The following USP34 variants were observed in gnomAD, a reference collection of about 807,000 sequenced individuals.
The protein encoded by USP34 is ubiquitin carboxyl-terminal hydrolase 34.
USP34 carries 70 observed loss-of-function variants against 460.3 expected under a neutral mutation model. The observed-to-expected ratio is 0.15, with a 90% CI of 0.13 to 0.19. The LOEUF is 0.19. Ranked by LOEUF, USP34 falls within the 10% of genes least tolerant of loss-of-function variation. USP34 has a pLI of 1.00. For synonymous variants in USP34, 1,647 were observed against 1,405.3 expected (o/e 1.17, Z -3.85); for missense variants, 3,985 against 4,236.2 (o/e 0.94, Z 1.65).
chr2:61,317,256 T>G (rs567853610), intron 23 of USP34, among the ~76,000 whole-genome samples: 23 of 151,890 alleles, frequency 1.5e-4, no homozygotes, highest in Non-Finnish European at 2.9e-4. Context: ...GCTGAGCACG[T>G]TGGCTCATGC....
At chr2:61,261,798 A>G (rs1309168984) in intron 43 of USP34, among the ~76,000 whole-genome samples, 4 of 152,096 alleles carry the variant, frequency 2.6e-5, no homozygotes, top group Admixed American at 6.5e-5. Context: ...TGCCAGAATC[A>G]TATCAAATTC....
At chr2:61,402,501 G>A (rs12998931) in intron 3 of USP34, among the ~76,000 whole-genome samples, 15,758 of 152,086 alleles carry the variant, frequency 0.1, 1,065 homozygotes, top group Non-Finnish European at 0.15. Context: ...AGTAAGACCC[G>A]GATTCTAGGA....
At chr2:61,288,365 A>G (rs987415629) in intron 34 of USP34, among the ~76,000 whole-genome samples, 1 of 152,166 alleles carries the variant, frequency 6.6e-6, no homozygotes, top group South Asian at 2.1e-4. Flanking sequence ...TCTATTTTAA[A>G]TTTCCTATGT....
intron 10 of USP34, among the ~76,000 whole-genome samples, chr2:61,360,732 T>C (rs1000968224): frequency 4.6e-5 from 7 of 152,170 alleles, no homozygotes; most frequent in Admixed American, 1.3e-4. Flanking sequence ...TCTTGGCTCA[T>C]TGCAGCCTCG....
intron 41 of USP34, among the ~76,000 whole-genome samples, chr2:61,274,629 A>G (rs896709032): frequency 1.1e-4 from 16 of 152,178 alleles, no homozygotes; most frequent in African/African-American, 3.6e-4. Context: ...TTACTAATAA[A>G]AATAATACAA....
At chr2:61,258,423 C>T (rs1487999601) in intron 44 of USP34, among the ~76,000 whole-genome samples, 1 of 152,142 alleles carries the variant, frequency 6.6e-6, no homozygotes, top group Admixed American at 6.6e-5. Flanking sequence ...AAGGCAGAAA[C>T]AACAAAGAGG....
chr2:61,237,554 A>AT (rs71403400), intron 53 of USP34, among the ~76,000 whole-genome samples: 4,026 of 45,148 alleles, frequency 0.089, 920 homozygotes, highest in Non-Finnish European at 0.12. Context: ...TTTTCTGTGG[A>AT]TTTTTTTTTT....
At position 61,206,881 on chromosome 2, in the gene USP34, G is replaced by C; in HGVS notation, c.8925C>G (p.Phe2975Leu). 1.2e-6 allele frequency: 2 copies of C among 1,606,254 alleles called. No individual in the cohort carries two copies. Among genetic ancestry groups the C allele is most frequent in the Non-Finnish European group, 1.7e-6 (2 of 1,178,038 alleles). The change falls in exon 71 of 80, where the codon TTC (phenylalanine) becomes TTG (leucine). Residue 2975 changes from phenylalanine (F) to leucine (L), a missense_variant. Coordinates refer to ENST00000398571, the MANE Select transcript of USP34 (RefSeq NM_014709.4). Reference sequence around the variant, plus strand: ...CGTGATACATCATGTGCAAAGTGTTGAAAGACTACAAATGATTTGAAAAAA... The same window carrying C: ...CGTGATACATCATGTGCAAAGTGTTCAAAGACTACAAATGATTTGAAAAAA... ...NRGLILMTES[F>L]NTLHMMYHEA...
chr2:61,390,868 G>A (rs867646437), intron 5 of USP34, among the ~76,000 whole-genome samples: 1 of 151,900 alleles, frequency 6.6e-6, no homozygotes, highest in African/African-American at 2.4e-5. Flanking sequence ...AGGCTGAGGT[G>A]GGGGCATCGC....
At chr2:61,307,328 G>C (rs867866724) in intron 27 of USP34, among the ~76,000 whole-genome samples, 1 of 128,244 alleles carries the variant, frequency 7.8e-6, no homozygotes, top group East Asian at 2.8e-4. Flanking sequence ...GGTGGGGGGA[G>C]GGGGGAGGGA....
chr2:61,296,953 C>T, intron 29 of USP34, 28 bp from the exon 30 acceptor site: 10 of 1,573,768 alleles, frequency 6.4e-6, no homozygotes, highest in Non-Finnish European at 8.6e-6. Flanking sequence ...ACTACTTTAT[C>T]AAAACAGATC....
chr2:61,313,616 AT>A (rs1352025543), intron 25 of USP34, among the ~76,000 whole-genome samples: 1 of 152,066 alleles, frequency 6.6e-6, no homozygotes, highest in Non-Finnish European at 1.5e-5. Flanking sequence ...TTAAAATTTT[AT>A]TTTTTTAAGT....
At chr2:61,245,406 C>A in intron 50 of USP34, 118 bp from the exon 51 acceptor site, 2 of 513,668 alleles carry the variant, frequency 3.9e-6, no homozygotes, top group Non-Finnish European at 6.5e-6. Context: ...GAGGTAAATT[C>A]TAAGTTCTTA....
chr2:61,430,893 A>C (rs1029808297), intron 1 of USP34, among the ~76,000 whole-genome samples: 2 of 152,124 alleles, frequency 1.3e-5, no homozygotes, highest in Admixed American at 6.6e-5. Context: ...AATCTCAGCT[A>C]CTTGGGAGGC....
chr2:61,360,735 C>G (rs1264937584), intron 10 of USP34, among the ~76,000 whole-genome samples: 1 of 152,180 alleles, frequency 6.6e-6, no homozygotes, highest in African/African-American at 2.4e-5. Context: ...TGGCTCATTG[C>G]AGCCTCGACG....
chr2:61,457,779 T>A (rs1175197015), intron 1 of USP34, among the ~76,000 whole-genome samples: 1 of 152,100 alleles, frequency 6.6e-6, no homozygotes, highest in Non-Finnish European at 1.5e-5. Context: ...GCCCAGGAGG[T>A]CAAGGCTGCA....
At chr2:61,256,590 T>TAA (rs34715544) in intron 47 of USP34, 112 bp from the exon 48 acceptor site, 62 of 696,712 alleles carry the variant, frequency 8.9e-5, no homozygotes, top group African/African-American at 6.9e-4. Flanking sequence ...ATTTTTTTTT[T>TAA]AAAAGTGAAT....
intron 27 of USP34, among the ~76,000 whole-genome samples, chr2:61,301,783 T>C (rs974155521): frequency 1.1e-4 from 17 of 152,220 alleles, no homozygotes; most frequent in African/African-American, 3.9e-4. Flanking sequence ...AGATACTTAT[T>C]TTCTCACCTC....
At chr2:61,229,073 C>G in intron 59 of USP34, 78 bp from the exon 60 acceptor site, 1 of 1,136,256 alleles carries the variant, frequency 8.8e-7, no homozygotes, top group Non-Finnish European at 1.2e-6. Flanking sequence ...ACTTTTTAAA[C>G]TCTGAATTTC....
Sources: gnomAD v4.1 joint callset for allele counts (sites outside exome capture counted in the v4.1 genomes callset) on GRCh38, gnomAD v4.1.1 for gene constraint, MANE v1.5 for transcripts, NCBI Gene and HGNC (gene_info 2026-07-23, HGNC 2026-07-21) for gene names.